Variants in TTC7B observed in about 807,000 individuals in gnomAD.
TTC7B encodes the protein tetratricopeptide repeat domain 7B.
TTC7B carries 28 observed loss-of-function variants against 106.8 expected under a neutral mutation model. The observed-to-expected ratio is 0.26, with a 90% CI of 0.19 to 0.36. The LOEUF is 0.36. TTC7B is among the 10% of genes least tolerant of loss of function. TTC7B has a pLI of 1.00. For synonymous variants in TTC7B, 405 were observed against 430.6 expected (o/e 0.94, Z 0.74); for missense variants, 862 against 1,076.4 (o/e 0.80, Z 2.79).
At chr14:90,779,331 C>A (rs1345238039) in intron 3 of TTC7B, among the ~76,000 whole-genome samples, 1 of 152,070 alleles carries the variant, frequency 6.6e-6, no homozygotes, top group African/African-American at 2.4e-5. Flanking sequence ...GAGATGGAGT[C>A]TCGCTCTTGT....
chr14:90,816,414 T>G lies in TTC7B; in HGVS notation c.-119A>C, dbSNP rs2031195316. 7 of 464,054 alleles carry G rather than the reference T, an allele frequency of 1.5e-5. No individual in the cohort carries two copies. The highest frequency in any genetic ancestry group is 9.0e-5 in the South Asian group (1 of 11,146). The allele number at this position is 464,054 out of a possible 1,614,324, so 28.7% of individuals were successfully genotyped here. ...GGCTCCGGCTCCCGGCTCCGCGGCG[T>G]AACGGGAGCGCCGGCTGGGGAAGGG... On this transcript the variant is annotated 5_prime_UTR_variant, in exon 1 of 20. Coordinates refer to ENST00000328459, the MANE Select transcript of TTC7B (RefSeq NM_001010854.2).
intron 19 of TTC7B, among the ~76,000 whole-genome samples, chr14:90,548,174 G>A (rs574202551): frequency 6.6e-6 from 1 of 152,244 alleles, no homozygotes; most frequent in African/African-American, 2.4e-5. Flanking sequence ...TGCAGTGTTA[G>A]TGCAGAGAGC....
chr14:90,687,756 G>A (rs1261305732), intron 7 of TTC7B, among the ~76,000 whole-genome samples: 3 of 152,182 alleles, frequency 2.0e-5, no homozygotes, highest in Admixed American at 2.0e-4. Flanking sequence ...TGTGAATTAA[G>A]CAAACTCATG....
At chr14:90,705,512 T>C (rs1888169907) in intron 5 of TTC7B, among the ~76,000 whole-genome samples, 1 of 152,202 alleles carries the variant, frequency 6.6e-6, no homozygotes, top group Admixed American at 6.5e-5. Flanking sequence ...TGCTGGGTAC[T>C]GTTCTAGCCC....
rs942741 is a variant in TTC7B at position 90,577,604 on chromosome 14, C to T, written c.2310+502G>A. Reference sequence around the variant, plus strand: ...TCAGGGCAACATGGCCAGACACCCCCGCTGGTAGGATGCTCCCTCCCAGCC... The same window carrying T: ...TCAGGGCAACATGGCCAGACACCCCTGCTGGTAGGATGCTCCCTCCCAGCC... On this transcript the variant is annotated intron_variant, in intron 19 of 19. Transcript: ENST00000328459. This position sits in a 1 kb window ranked among gnomAD's most constrained non-coding sequence, Gnocchi z 5.0. Among the ~76,000 whole-genome samples, 10,188 of 152,236 alleles carry T rather than the reference C, an allele frequency of 0.067. 396 individuals carry two copies. The highest frequency in any genetic ancestry group is 0.21 in the East Asian group (1,096 of 5,152).
intron 3 of TTC7B, among the ~76,000 whole-genome samples, chr14:90,747,829 G>A (rs1165915597): frequency 1.3e-5 from 2 of 152,074 alleles, no homozygotes; most frequent in Non-Finnish European, 2.9e-5. Flanking sequence ...ATAAACCTTT[G>A]GAATTGTTAT....
At chr14:90,712,032 C>T (rs942677398) in intron 5 of TTC7B, among the ~76,000 whole-genome samples, 12 of 149,788 alleles carry the variant, frequency 8.0e-5, no homozygotes, top group African/African-American at 3.0e-4. Flanking sequence ...TTCAAAGACA[C>T]AAATAGGTTG....
intron 5 of TTC7B, chr14:90,698,952 CATCTTTTCTTCTCTCCT>C (rs2139951706): frequency 3.0e-6 from 1 of 332,328 alleles, no homozygotes; most frequent in South Asian, 2.3e-5. Context: ...GACCTACTTC[CATCTTTTCTTCTCTCCT>C]ATCTTTTCTA....
chr14:90,705,491 C>T (rs1888168743), intron 5 of TTC7B, among the ~76,000 whole-genome samples: 1 of 152,148 alleles, frequency 6.6e-6, no homozygotes. Flanking sequence ...GGGATTCCCT[C>T]CCCTGCCCTC....
At chr14:90,598,695 T>C (rs1892312254) in intron 17 of TTC7B, among the ~76,000 whole-genome samples, 1 of 152,238 alleles carries the variant, frequency 6.6e-6, no homozygotes, top group Non-Finnish European at 1.5e-5. Flanking sequence ...GGCTAGCTCA[T>C]ATTGCCTTTG....
chr14:90,776,555 A>G (rs1891037638), intron 3 of TTC7B, among the ~76,000 whole-genome samples: 1 of 152,218 alleles, frequency 6.6e-6, no homozygotes, highest in African/African-American at 2.4e-5. Flanking sequence ...AGACAGCAAT[A>G]TGAGCTGGAA....
intron 19 of TTC7B, among the ~76,000 whole-genome samples, chr14:90,554,195 C>T (rs143810963): frequency 4.6e-5 from 7 of 152,216 alleles, no homozygotes; most frequent in African/African-American, 9.7e-5. Flanking sequence ...CATCCGGAGA[C>T]GGACCGCAGC....
intron 1 of TTC7B, among the ~76,000 whole-genome samples, chr14:90,813,241 A>G (rs2031001085): frequency 6.6e-6 from 1 of 151,862 alleles, no homozygotes; most frequent in African/African-American, 2.4e-5. Context: ...GCACCTATTC[A>G]CCTTCCCCTT....
chr14:90,611,103 C>T (rs992117576), intron 16 of TTC7B, among the ~76,000 whole-genome samples: 4 of 152,168 alleles, frequency 2.6e-5, no homozygotes, highest in South Asian at 2.1e-4. Flanking sequence ...CATTAGAAGA[C>T]ACAAAAATGA....
At position 90,533,619 on chromosome 14, in the gene TTC7B, TCAGAGGTGACACGGCCAGG is replaced by T. The variant is rs1889339047; in HGVS notation, c.*7730_*7748del. 1 of 152,396 alleles carries T rather than the reference TCAGAGGTGACACGGCCAGG, an allele frequency of 6.6e-6. No homozygotes were observed. The highest frequency in any genetic ancestry group is 1.5e-5 in the Non-Finnish European group (1 of 68,198). The allele number at this position is 152,396 out of a possible 1,614,324, so 9.4% of individuals were successfully genotyped here. On this transcript the variant is annotated 3_prime_UTR_variant, in exon 20 of 20. Coordinates refer to ENST00000328459, the MANE Select transcript of TTC7B (RefSeq NM_001010854.2). ...GATGAGGAGACAGAGTGCTTCCCCA[TCAGAGGTGACACGGCCAGG>T]CAGAACTGGGATTCCAGCCAGATCT...
intron 3 of TTC7B, among the ~76,000 whole-genome samples, chr14:90,768,182 C>G (rs773218210): frequency 6.6e-6 from 1 of 152,212 alleles, no homozygotes; most frequent in Non-Finnish European, 1.5e-5. Context: ...GAAACAGACT[C>G]TTAACCAATG....
chr14:90,697,140 G>C (rs1392397631), intron 5 of TTC7B, among the ~76,000 whole-genome samples: 3 of 152,166 alleles, frequency 2.0e-5, no homozygotes, highest in Non-Finnish European at 4.4e-5. Context: ...CATAAGTGGA[G>C]ACCCTGGTTG....
chr14:90,710,136 A>G (rs1888390933), intron 5 of TTC7B, among the ~76,000 whole-genome samples: 1 of 151,608 alleles, frequency 6.6e-6, no homozygotes, highest in Non-Finnish European at 1.5e-5. Context: ...TCATGGGAGG[A>G]CATCCAAATA....
Position 90,608,757 on chromosome 14 carries a change from G to A in TTC7B, c.1966+1985C>T, listed in dbSNP as rs1477908509. Among the ~76,000 whole-genome samples, 1 of 152,188 alleles carries A rather than the reference G, an allele frequency of 6.6e-6. No individual in the cohort carries two copies. The highest frequency in any genetic ancestry group is 6.5e-5 in the Admixed American group (1 of 15,284). ...GCACTCTAGGAAAAATGTCCCAATG[G>A]GCAACGGGAAGAATGAATAACAAGG... On this transcript the variant is annotated intron_variant, in intron 17 of 19. Transcript: ENST00000328459. The surrounding 1 kb of genome is among the most constrained non-coding windows in gnomAD (Gnocchi z 5.1).
Sources: gnomAD v4.1 joint callset for allele counts (sites outside exome capture counted in the v4.1 genomes callset) on GRCh38, gnomAD v4.1.1 for gene constraint, Gnocchi (gnomAD v3.1) non-coding constraint, MANE v1.5 for transcripts, NCBI Gene and HGNC (gene_info 2026-07-23, HGNC 2026-07-21) for gene names.